The following CLASP1 variants were observed in gnomAD, a reference collection of about 807,000 sequenced individuals.
The protein encoded by CLASP1 is CLIP-associating protein 1.
Under a neutral mutation model 192.3 loss-of-function variants are expected in CLASP1, and 38 were observed. That is an observed-to-expected ratio of 0.20 (90% CI 0.15 to 0.26). The LOEUF (loss-of-function observed/expected upper bound fraction) is 0.26. Ranked by LOEUF, CLASP1 falls within the 10% of genes least tolerant of loss-of-function variation. The pLI is 1.00. For synonymous variants in CLASP1, 691 were observed against 712.8 expected (o/e 0.97, Z 0.49); for missense variants, 1,433 against 1,932.5 (o/e 0.74, Z 4.85).
chr2:121,525,379 G>A (rs1406281732), intron 6 of CLASP1, among the ~76,000 whole-genome samples: 1 of 152,096 alleles, frequency 6.6e-6, no homozygotes, highest in Non-Finnish European at 1.5e-5. Flanking sequence ...GAGTTTCCAC[G>A]ATGATATACA....
At chr2:121,346,002 G>C (rs565810645) in intron 39 of CLASP1, among the ~76,000 whole-genome samples, 4 of 152,230 alleles carry the variant, frequency 2.6e-5, no homozygotes, top group East Asian at 1.9e-4. Flanking sequence ...ACCCCAGCCA[G>C]AGCTTTGCTT....
chr2:121,513,422 TTTTTA>T (rs1029647437), intron 7 of CLASP1, among the ~76,000 whole-genome samples: 3 of 152,022 alleles, frequency 2.0e-5, no homozygotes, highest in East Asian at 1.9e-4. Context: ...TGTAGCGCCT[TTTTTA>T]TTTTATTTTT....
At chr2:121,467,214 G>T (rs560935194) in intron 9 of CLASP1, among the ~76,000 whole-genome samples, 1 of 152,138 alleles carries the variant, frequency 6.6e-6, no homozygotes, top group Non-Finnish European at 1.5e-5. Context: ...TATCATTGAT[G>T]GGCATTTAGG....
intron 2 of CLASP1, chr2:121,603,226 A>T (rs2064003484): frequency 1.3e-5 from 2 of 151,694 alleles, no homozygotes; most frequent in Admixed American, 1.3e-4. Flanking sequence ...AAAAAAAATT[A>T]TATATATATA....
chr2:121,530,046 G>C (rs549656331), intron 3 of CLASP1, among the ~76,000 whole-genome samples: 4 of 152,102 alleles, frequency 2.6e-5, no homozygotes, highest in East Asian at 1.9e-4. Flanking sequence ...GGAAGGCAGC[G>C]GGGCGGCCGA....
In CLASP1 at chr2:121,530,756, G is replaced by A. The variant is rs979603483; in HGVS notation, c.196-431C>T. On this transcript the variant is annotated intron_variant, in intron 2 of 39. Transcript: ENST00000263710. The stretch of plus-strand genomic sequence containing the variant: ...GAAAACAAAGAATTGGGGTGTCGTC[G>A]AAAGCTGTGGAGGCTGGAGGTAAGC... 3.2e-5 allele frequency: 17 copies of A among 528,322 alleles called. No individual in the cohort carries two copies. In the South Asian group the frequency reaches 3.2e-4, roughly 10 times the overall value. 32.7% of individuals were successfully genotyped at this position (528,322 alleles called of 1,614,324 possible). A position where few individuals can be genotyped will look rare whatever the true frequency, so the allele number is the denominator to read the frequency against.
chr2:121,500,928 C>T (rs1032913976), intron 8 of CLASP1, among the ~76,000 whole-genome samples: 6 of 152,146 alleles, frequency 3.9e-5, no homozygotes, highest in African/African-American at 1.2e-4. Flanking sequence ...CGTGCACACA[C>T]ACATAAAGGG....
At chr2:121,481,998 CCAAA>C (rs954622834) in intron 8 of CLASP1, among the ~76,000 whole-genome samples, 4 of 152,102 alleles carry the variant, frequency 2.6e-5, no homozygotes, top group Admixed American at 6.5e-5. Context: ...CAAAATAGGG[CCAAA>C]CAAATTTAGA....
intron 1 of CLASP1, among the ~76,000 whole-genome samples, chr2:121,612,053 AG>A (rs2065661047): frequency 6.6e-6 from 1 of 150,418 alleles, no homozygotes; most frequent in African/African-American, 2.5e-5. Context: ...GAGTTACAGG[AG>A]GAAGAGGAAC....
At chr2:121,398,488 G>A (rs918223040) in intron 28 of CLASP1, 88 bp from the exon 30 acceptor site, 3 of 881,754 alleles carry the variant, frequency 3.4e-6, no homozygotes, top group African/African-American at 3.4e-5. Flanking sequence ...ACCATTGTAA[G>A]TTAATGTATG....
At chr2:121,440,374 C>T (rs1259186967) in intron 19 of CLASP1, among the ~76,000 whole-genome samples, 2 of 152,140 alleles carry the variant, frequency 1.3e-5, no homozygotes, top group African/African-American at 4.8e-5. Flanking sequence ...ATAAAATGCT[C>T]TGTGGTAATT....
chr2:121,361,592 T>C (rs1214047610), intron 37 of CLASP1, among the ~76,000 whole-genome samples: 1 of 151,912 alleles, frequency 6.6e-6, no homozygotes, highest in Non-Finnish European at 1.5e-5. Flanking sequence ...ATTATGAAAA[T>C]TTTTTGTGGT....
At chr2:121,541,810 CAT>C (rs2105010229) in intron 2 of CLASP1, among the ~76,000 whole-genome samples, 1 of 152,336 alleles carries the variant, frequency 6.6e-6, no homozygotes, top group African/African-American at 2.4e-5. Context: ...AAAGAGTACA[CAT>C]GAGGCTAACG....
At chr2:121,373,323 C>T (rs1344734946) in intron 34 of CLASP1, among the ~76,000 whole-genome samples, 6 of 152,138 alleles carry the variant, frequency 3.9e-5, no homozygotes, top group Admixed American at 6.5e-5. Context: ...GCCAGGCCTC[C>T]GGTATAGTCT....
intron 8 of CLASP1, among the ~76,000 whole-genome samples, chr2:121,498,071 G>A (rs545736066): frequency 6.6e-6 from 1 of 152,162 alleles, no homozygotes; most frequent in East Asian, 1.9e-4. Flanking sequence ...TGTTGCCCAG[G>A]CTGGTCTGGA....
chr2:121,648,805 T>C (rs1481412806), intron 1 of CLASP1, among the ~76,000 whole-genome samples: 1 of 152,220 alleles, frequency 6.6e-6, no homozygotes, highest in African/African-American at 2.4e-5. Context: ...CAAGGGGACC[T>C]TGTGCATCCC....
intron 8 of CLASP1, among the ~76,000 whole-genome samples, chr2:121,486,383 CA>C (rs956037061): frequency 6.6e-6 from 1 of 152,132 alleles, no homozygotes; most frequent in Non-Finnish European, 1.5e-5. Context: ...CAGAAGTCAA[CA>C]ACTAAAATTT....
intron 2 of CLASP1, among the ~76,000 whole-genome samples, chr2:121,605,000 G>A (rs1023938245): frequency 2.0e-5 from 3 of 152,326 alleles, no homozygotes; most frequent in South Asian, 2.1e-4. Context: ...GGAGGAAGCA[G>A]AGAGAGGAAC....
intron 2 of CLASP1, among the ~76,000 whole-genome samples, chr2:121,597,960 A>C (rs2063334406): frequency 6.6e-6 from 1 of 152,230 alleles, no homozygotes; most frequent in Non-Finnish European, 1.5e-5. Flanking sequence ...TGATGAGGGA[A>C]GAAGGAAGAA....
Sources: gnomAD v4.1 joint callset for allele counts (sites outside exome capture counted in the v4.1 genomes callset) on GRCh38, gnomAD v4.1.1 for gene constraint, MANE v1.5 for transcripts, NCBI Gene and HGNC (gene_info 2026-07-23, HGNC 2026-07-21) for gene names.